SMIM35: variants seen among roughly 807,000 people sequenced by gnomAD.
The protein encoded by SMIM35 is TMPRSS4 antisense RNA 1 (non-protein coding).
chr11:118,044,025 T>C (rs1369816465), intron 1 of SMIM35, among the ~76,000 whole-genome samples: 1 of 152,046 alleles, frequency 6.6e-6, no homozygotes, highest in Non-Finnish European at 1.5e-5. Flanking sequence ...GTGAATTATA[T>C]CTAAACAAAG....
chr11:118,054,298 A>G (rs1307266771), intron 1 of SMIM35, among the ~76,000 whole-genome samples: 3 of 152,134 alleles, frequency 2.0e-5, no homozygotes, highest in Non-Finnish European at 2.9e-5. Context: ...AAAAACATTG[A>G]CATTTTCTCA....
At chr11:118,070,689 C>T (rs1398704134) in intron 1 of SMIM35, among the ~76,000 whole-genome samples, 5 of 152,194 alleles carry the variant, frequency 3.3e-5, no homozygotes, top group Admixed American at 2.6e-4. Flanking sequence ...GAAATTAGTT[C>T]ATTGCCTAAT....
intron 1 of SMIM35, among the ~76,000 whole-genome samples, chr11:118,050,892 T>C (rs1944202501): frequency 6.6e-6 from 1 of 152,128 alleles, no homozygotes. Context: ...TTGTAGAAAA[T>C]GGCTCCAGTG....
chr11:118,028,280 A>C (rs2058290532), intron 1 of SMIM35, among the ~76,000 whole-genome samples: 1 of 152,216 alleles, frequency 6.6e-6, no homozygotes, highest in Non-Finnish European at 1.5e-5. Flanking sequence ...AAGCGTGGTG[A>C]GACCCAGGAT....
intron 1 of SMIM35, chr11:118,025,727 T>C (rs758145642): frequency 8.8e-6 from 4 of 454,534 alleles, no homozygotes; most frequent in Non-Finnish European, 1.8e-5. Flanking sequence ...GAATATTTTC[T>C]CCCATTCTAT....
chr11:118,060,915 AAG>A (rs2135121509), intron 1 of SMIM35, among the ~76,000 whole-genome samples: 1 of 152,294 alleles, frequency 6.6e-6, no homozygotes, highest in Non-Finnish European at 1.5e-5. Context: ...ATCTATAAGT[AAG>A]AGAGGGACAG....
intron 1 of SMIM35, among the ~76,000 whole-genome samples, chr11:118,050,733 T>G (rs1371221897): frequency 6.6e-6 from 1 of 152,208 alleles, no homozygotes; most frequent in Admixed American, 6.5e-5. Context: ...TTTGATTGGT[T>G]GCAAGTTCAG....
At chr11:118,034,287 C>T (rs530287975) in intron 1 of SMIM35, among the ~76,000 whole-genome samples, 1 of 151,850 alleles carries the variant, frequency 6.6e-6, no homozygotes, top group Non-Finnish European at 1.5e-5. Context: ...CACACACACA[C>T]AAAAAAAGAA....
At chr11:118,023,073 T>C (rs1397234415) in intron 1 of SMIM35, among the ~76,000 whole-genome samples, 1 of 151,846 alleles carries the variant, frequency 6.6e-6, no homozygotes, top group East Asian at 2.0e-4. Flanking sequence ...AACAAAAATA[T>C]CTACCACTCA....
At chr11:118,065,130 C>T (rs1944452060) in intron 1 of SMIM35, among the ~76,000 whole-genome samples, 1 of 152,210 alleles carries the variant, frequency 6.6e-6, no homozygotes, top group Admixed American at 6.5e-5. Context: ...ACCCGTCCCT[C>T]CCCAGCCTAG....
chr11:118,023,613 AG>A (rs978186416), intron 1 of SMIM35, among the ~76,000 whole-genome samples: 5 of 151,434 alleles, frequency 3.3e-5, no homozygotes, highest in African/African-American at 1.2e-4. Context: ...ACAACATCTG[AG>A]ATGAAAATTA....
At chr11:118,007,275 G>A (rs1273524868) in intron 4 of SMIM35, among the ~76,000 whole-genome samples, 2 of 152,246 alleles carry the variant, frequency 1.3e-5, no homozygotes, top group South Asian at 2.1e-4. Context: ...CTCCCAGCTG[G>A]AAGGGACCTC....
intron 1 of SMIM35, among the ~76,000 whole-genome samples, chr11:118,068,626 T>G (rs141428942): frequency 6.6e-6 from 1 of 152,258 alleles, no homozygotes; most frequent in African/African-American, 2.4e-5. Context: ...GGGAATGAGC[T>G]GGGGCAAGGA....
intron 1 of SMIM35, among the ~76,000 whole-genome samples, chr11:118,078,595 G>C (rs993827359): frequency 7.9e-5 from 12 of 152,204 alleles, no homozygotes; most frequent in Admixed American, 7.9e-4. Context: ...TGTGTGCAGA[G>C]ACGCTGTATC....
rs2058172804 is a variant in SMIM35, at chr11:118,015,133, C to T, written c.125-392G>A. Among the ~76,000 whole-genome samples, 4 of 152,206 alleles carry T rather than the reference C, an allele frequency of 2.6e-5. No individual in the cohort carries two copies. In the South Asian group the frequency reaches 8.3e-4, roughly 31 times the overall value. Reference sequence around the variant, plus strand: ...CACATAGTAGGTGCTCAACAAATATCCATGGACTCTGTTAAAGTTAAGTGC... The same window carrying T: ...CACATAGTAGGTGCTCAACAAATATTCATGGACTCTGTTAAAGTTAAGTGC... On this transcript the variant is annotated intron_variant, in intron 2 of 4. Coordinates refer to ENST00000689828, the MANE Select transcript of SMIM35 (RefSeq NM_001394165.1).
intron 1 of SMIM35, among the ~76,000 whole-genome samples, chr11:118,034,591 G>C (rs148250329): frequency 0.017 from 2,635 of 152,298 alleles, 69 homozygotes; most frequent in African/African-American, 0.06. Context: ...GGGCGTGGTG[G>C]TTCACATCTG....
At chr11:118,029,891 TTATC>T (rs755164310) in intron 1 of SMIM35, 2 of 421,656 alleles carry the variant, frequency 4.7e-6, no homozygotes, top group Non-Finnish European at 9.5e-6. Context: ...CAAGTGTTCT[TTATC>T]TGTCTTTTCA....
Position 118,004,540 on chromosome 11 carries a change from A to G in SMIM35, c.*1870T>C, listed in dbSNP as rs895608854. The G allele has an allele frequency of 6.6e-6, 1 of 152,264 alleles. No individual in the cohort carries two copies. Among genetic ancestry groups the G allele is most frequent in the Non-Finnish European group, 1.5e-5 (1 of 68,066 alleles). The allele number at this position is 152,264 out of a possible 1,614,324, so 9.4% of individuals were successfully genotyped here. ...TGGCTTAATAATGACAAGTCATCCAAGAAAAGGTCTTTCAGCAATTGGCAA... is the reference window on the plus strand; with the variant it reads ...TGGCTTAATAATGACAAGTCATCCAGGAAAAGGTCTTTCAGCAATTGGCAA... On this transcript the variant is annotated 3_prime_UTR_variant, in exon 5 of 5. Transcript: ENST00000689828.
intron 1 of SMIM35, among the ~76,000 whole-genome samples, chr11:118,039,982 T>C (rs1943973537): frequency 6.8e-6 from 1 of 146,682 alleles, no homozygotes; most frequent in Admixed American, 6.9e-5. Context: ...GAGATGGAGG[T>C]TGCAGTGAGC....
Sources: allele counts gnomAD v4.1 joint callset (sites outside exome capture counted in the v4.1 genomes callset), GRCh38; gene constraint gnomAD v4.1.1; transcripts MANE v1.5; gene names NCBI Gene and HGNC (gene_info 2026-07-23, HGNC 2026-07-21).